The following TRPM5 variants were observed in gnomAD, a reference collection of about 807,000 sequenced individuals.
TRPM5 encodes the protein MLSN1 and TRP-related.
Under a neutral mutation model 124.9 loss-of-function variants are expected in TRPM5, and 121 were observed. That is an observed-to-expected ratio of 0.97 (90% CI 0.84 to 1.13). The LOEUF (loss-of-function observed/expected upper bound fraction) is 1.13. TRPM5 is among the 50% of genes most tolerant of loss of function. The pLI, the probability that TRPM5 is intolerant of heterozygous loss-of-function variation, is 0.00. For missense variants in TRPM5, 1,643 were observed against 1,589.1 expected (o/e 1.03, Z -0.58); for synonymous variants, 781 against 700.5 (o/e 1.11, Z -1.81).
chr11:2,438,536 A>ATATGCCTG, the TRPM5 span, among the ~76,000 whole-genome samples: 1 of 152,144 alleles, frequency 6.6e-6, no homozygotes, highest in African/African-American at 2.4e-5. This position sits in a 1 kb window ranked among gnomAD's most constrained non-coding sequence, Gnocchi z 5.9. Flanking sequence ...GCATGGTGGC[A>ATATGCCTG]TATGCCTGTA....
chr11:2,433,690 G>A, the TRPM5 span, among the ~76,000 whole-genome samples: 9 of 152,276 alleles, frequency 5.9e-5, no homozygotes, highest in African/African-American at 1.7e-4. Context: ...CAGCGGGGCC[G>A]GGGCCAAGAC....
chr11:2,405,465 C>T (rs1172444819), intron 23 of TRPM5, 62 bp downstream of exon 28: 1 of 1,507,714 alleles, frequency 6.6e-7, no homozygotes, highest in Admixed American at 2.0e-5. Context: ...CTACGGCCCC[C>T]CAGCCGCTGC....
chr11:2,410,883 C>G (rs892304391), intron 18 of TRPM5, among the ~76,000 whole-genome samples: 1 of 152,152 alleles, frequency 6.6e-6, no homozygotes, highest in Non-Finnish European at 1.5e-5. Context: ...TGCCCTAGGC[C>G]AAGCAGGGCC....
intron 12 of TRPM5, 52 bp downstream of exon 17, chr11:2,414,009 G>GGCCCCCCCCCCCCCCCCCCCCCCCCC: frequency 9.8e-7 from 1 of 1,023,734 alleles, no homozygotes; most frequent in Non-Finnish European, 1.4e-6. Context: ...GGCCCAGCTC[G>GGCCCCCCCCCCCCCCCCCCCCCCCCC]CCCGCCCACC....
At chr11:2,404,165 C>CCACAG (rs759048557), downstream of TRPM5, among the ~76,000 whole-genome samples, 93 of 152,196 alleles carry the variant, frequency 6.1e-4, no homozygotes, top group Non-Finnish European at 1.0e-3. Flanking sequence ...CTAGTGCAGA[C>CCACAG]CACAGCTTGG....
chr11:2,417,602 A>G (rs534651582), intron 7 of TRPM5, 125 bp downstream of exon 12: 2 of 685,684 alleles, frequency 2.9e-6, no homozygotes, highest in South Asian at 3.7e-5. Flanking sequence ...ATCATGTGTC[A>G]TCTTTCCTGG....
intron 21 of TRPM5, among the ~76,000 whole-genome samples, 192 bp downstream of exon 26, chr11:2,406,469 C>T (rs1438192956): frequency 6.6e-6 from 1 of 152,140 alleles, no homozygotes; most frequent in Non-Finnish European, 1.5e-5. Context: ...TCCCTTTTTG[C>T]CTGGCCAGGC....
exon 2 of TRPM5, chr11:2,422,162 C>T: frequency 1.2e-6 from 2 of 1,610,136 alleles, no homozygotes; most frequent in Non-Finnish European, 1.7e-6. Flanking sequence ...GCCGCCTTCA[C>T]CAGCCCCTTG....
chr11:2,433,031 G>A, the TRPM5 span, among the ~76,000 whole-genome samples: 1 of 152,344 alleles, frequency 6.6e-6, no homozygotes, highest in Admixed American at 6.5e-5. Context: ...CCGCACGTCC[G>A]TCCCCACTCC....
intron 12 of TRPM5, 52 bp downstream of exon 17, chr11:2,414,009 G>GGGGCGGCCCCCCCCCCCCCCCCCCC: frequency 9.8e-7 from 1 of 1,023,734 alleles, no homozygotes. Flanking sequence ...GGCCCAGCTC[G>GGGGCGGCCCCCCCCCCCCCCCCCCC]CCCGCCCACC....
intron 15 of TRPM5, 58 bp from the exon 21 acceptor site, chr11:2,412,311 C>T: frequency 8.8e-7 from 1 of 1,139,946 alleles, no homozygotes; most frequent in African/African-American, 2.1e-5. Flanking sequence ...CTGGGGACAG[C>T]CCTACCTGGA....
rs546512510 is a variant in TRPM5 at position 2,417,445 on chromosome 11, A to G, written c.1009+282T>C. Among the ~76,000 whole-genome samples the G allele has an allele frequency of 3.3e-3, 509 of 152,230 alleles. 4 individuals carry two copies. Among genetic ancestry groups the G allele is most frequent in the African/African-American group, 0.011 (473 of 41,526 alleles). On this transcript the variant is annotated intron_variant, in intron 7 of 23. Transcript: ENST00000155858. ...ACTCCAGCCTGGGCGACAGTGCGAG[A>G]CTCCGTCTCAAAAAACCGAAAACCA... is the stretch of plus-strand genomic sequence containing the variant.
At chr11:2,409,311 C>T (rs891810082) in intron 18 of TRPM5, among the ~76,000 whole-genome samples, 9 of 152,256 alleles carry the variant, frequency 5.9e-5, no homozygotes, top group East Asian at 1.9e-4. Context: ...TCTGGAGGAG[C>T]GGGCCGGGGC....
In TRPM5 at chr11:2,405,091, G is replaced by A. The variant is rs770980343; in HGVS notation, c.3392-48C>T. On this transcript the variant is annotated intron_variant, in intron 23 of 23. Transcript: ENST00000155858. ...TGAGCGGTGGGAACCAGCAAGGCAG[G>A]CCCAGGAAGGGGAGAGGTAGCTGGC... 3.3e-6 allele frequency: 5 copies of A among 1,524,352 alleles called. No homozygotes were observed. The South Asian group carries it at 5.7e-5, about 17-fold the overall frequency. 94.4% of individuals were successfully genotyped at this position (1,524,352 alleles called of 1,614,324 possible). A position where few individuals can be genotyped will look rare whatever the true frequency, so the allele number is the denominator to read the frequency against.
chr11:2,414,007 T>TTGGCCCCCCCCCCCC, intron 12 of TRPM5, 54 bp downstream of exon 17: 1 of 1,072,596 alleles, frequency 9.3e-7, no homozygotes, highest in African/African-American at 1.6e-5. Context: ...TGGGCCCAGC[T>TTGGCCCCCCCCCCCC]CGCCCGCCCA....
intron 18 of TRPM5, among the ~76,000 whole-genome samples, chr11:2,409,700 T>C (rs947055379): frequency 1.3e-5 from 2 of 152,086 alleles, no homozygotes; most frequent in African/African-American, 2.4e-5. Context: ...AGGGCCCAGA[T>C]ACTTGCTCGG....
At chr11:2,433,607 G>A in the TRPM5 span, among the ~76,000 whole-genome samples, 1 of 152,268 alleles carries the variant, frequency 6.6e-6, no homozygotes, top group Non-Finnish European at 1.5e-5. Context: ...GTCTGGAAAT[G>A]GGGATCATGA....
At chr11:2,414,009 G>GGGGCCC in intron 12 of TRPM5, 52 bp downstream of exon 17, 4 of 1,023,734 alleles carry the variant, frequency 3.9e-6, no homozygotes, top group Non-Finnish European at 5.7e-6. Flanking sequence ...GGCCCAGCTC[G>GGGGCCC]CCCGCCCACC....
chr11:2,419,622 C>CAAA (rs3986606), intron 4 of TRPM5, among the ~76,000 whole-genome samples: 2 of 126,952 alleles, frequency 1.6e-5, no homozygotes, highest in African/African-American at 2.8e-5. Flanking sequence ...GATTCTGCCT[C>CAAA]AAAAAAAAAA....
Sources: gnomAD v4.1 joint callset for allele counts (sites outside exome capture counted in the v4.1 genomes callset) on GRCh38, gnomAD v4.1.1 for gene constraint, Gnocchi (gnomAD v3.1) non-coding constraint, MANE v1.5 for transcripts, NCBI Gene and HGNC (gene_info 2026-07-23, HGNC 2026-07-21) for gene names.